Variants in DYNLT2B observed in about 807,000 individuals in gnomAD.
The protein encoded by DYNLT2B is dynein light chain Tctex-type 2B, also known as dynein light chain Tctex-type protein 2B.
A neutral mutation model predicts 19.5 loss-of-function variants in DYNLT2B; 14 were observed. That is an observed-to-expected ratio of 0.72 (90% CI 0.47 to 1.12). DYNLT2B has a LOEUF of 1.12. Ranked by LOEUF, DYNLT2B falls within the 50% of genes most tolerant of loss-of-function variation. DYNLT2B has a pLI of 0.00. For synonymous variants in DYNLT2B, 70 were observed against 59.7 expected, an observed-to-expected ratio of 1.17 and a Z score of -0.79; for missense variants, 133 against 174.7, an observed-to-expected ratio of 0.76 and a Z score of 1.35.
chr3:196,297,250 C>A (rs889938272), intron 3 of DYNLT2B, among the ~76,000 whole-genome samples: 3 of 151,894 alleles, frequency 2.0e-5, no homozygotes, highest in African/African-American at 7.3e-5. Flanking sequence ...ATAGGCTGGG[C>A]ATGGTGGCTC....
chr3:196,302,805 G>A (rs1477507630), intron 3 of DYNLT2B, among the ~76,000 whole-genome samples: 1 of 151,962 alleles, frequency 6.6e-6, no homozygotes, highest in Non-Finnish European at 1.5e-5. Context: ...CAACCTAACC[G>A]ACTCCATCTT....
At chr3:196,306,545 G>C (rs929217535) in intron 3 of DYNLT2B, among the ~76,000 whole-genome samples, 10 of 151,870 alleles carry the variant, frequency 6.6e-5, no homozygotes, top group African/African-American at 2.4e-4. Flanking sequence ...AGATAATAAA[G>C]ATATTTTATT....
intron 4 of DYNLT2B, among the ~76,000 whole-genome samples, chr3:196,294,402 T>C (rs907973629): frequency 2.0e-5 from 3 of 152,186 alleles, no homozygotes; most frequent in African/African-American, 7.2e-5. Flanking sequence ...ATTTTAGAGC[T>C]AAAAGCTACC....
chr3:196,316,504 C>T (rs938970913), intron 1 of DYNLT2B, among the ~76,000 whole-genome samples: 1 of 151,978 alleles, frequency 6.6e-6, no homozygotes, highest in African/African-American at 2.4e-5. Flanking sequence ...TTCTCATACT[C>T]CCCTCTCCCC....
In DYNLT2B at chr3:196,318,154, C is replaced by T; in HGVS notation, c.-2G>A. 2 of 1,511,670 alleles carry T rather than the reference C, an allele frequency of 1.3e-6. No individual in the cohort carries two copies. Among genetic ancestry groups the T allele is most frequent in the South Asian group, 1.2e-5 (1 of 81,264 alleles). 93.6% of individuals were successfully genotyped at this position (1,511,670 alleles called of 1,614,324 possible). On this transcript the variant is annotated 5_prime_UTR_variant, in exon 1 of 5. Coordinates refer to ENST00000325318, the MANE Select transcript of DYNLT2B (RefSeq NM_152773.5). ...GGACACTCCGATGGACGTGGCCATG[C>T]CGGGGCTTCTCGGTCCGGGCGTAGC...
At chr3:196,299,095 T>C (rs933067260) in intron 3 of DYNLT2B, among the ~76,000 whole-genome samples, 1 of 150,760 alleles carries the variant, frequency 6.6e-6, no homozygotes, top group Non-Finnish European at 1.5e-5. Context: ...TTTTTCTTTT[T>C]TTTTTTTGAG....
intron 3 of DYNLT2B, among the ~76,000 whole-genome samples, chr3:196,297,520 G>A (rs1726252922): frequency 1.3e-5 from 2 of 150,146 alleles, no homozygotes; most frequent in Admixed American, 6.8e-5. Context: ...GTGAGACTCT[G>A]TCTCAAAAAC....
At chr3:196,317,740 T>G (rs1170981023) in intron 1 of DYNLT2B, among the ~76,000 whole-genome samples, 8 of 152,106 alleles carry the variant, frequency 5.3e-5, no homozygotes, top group Non-Finnish European at 1.2e-4. Context: ...ATTCTACCCA[T>G]CTCCTTACTC....
Position 196,305,270 on chromosome 3 carries a change from G to A in DYNLT2B, c.317+1673C>T, listed in dbSNP as rs547325124. Among the ~76,000 whole-genome samples the A allele has an allele frequency of 8.5e-5, 13 of 152,218 alleles. 1 individual carries two copies. Among genetic ancestry groups the A allele is most frequent in the African/African-American group, 2.6e-4 (11 of 41,534 alleles). ...TTAACAAAGCAAAAAGAGATGACCA[G>A]CTATTTTGTACCTTCTGAGAAGATG... On this transcript the variant is annotated intron_variant, in intron 3 of 4. Coordinates refer to ENST00000325318, the MANE Select transcript of DYNLT2B (RefSeq NM_152773.5).
intron 4 of DYNLT2B, among the ~76,000 whole-genome samples, chr3:196,294,764 C>T (rs2108790003): frequency 6.6e-6 from 1 of 152,182 alleles, no homozygotes; most frequent in East Asian, 1.9e-4. Context: ...GAGACAGAGT[C>T]TTGCTCTGCT....
chr3:196,295,376 G>T (rs1040778003), intron 4 of DYNLT2B, among the ~76,000 whole-genome samples: 1 of 151,928 alleles, frequency 6.6e-6, no homozygotes, highest in Non-Finnish European at 1.5e-5. Context: ...GGCCAGGCTG[G>T]TCTTGAACTC....
chr3:196,308,808 A>G (rs1253298803), intron 2 of DYNLT2B, among the ~76,000 whole-genome samples: 1 of 152,198 alleles, frequency 6.6e-6, no homozygotes, highest in African/African-American at 2.4e-5. Context: ...CCTTTCTCTA[A>G]CCAATCCCAA....
intron 2 of DYNLT2B, among the ~76,000 whole-genome samples, chr3:196,313,895 C>T (rs1045571717): frequency 2.0e-5 from 3 of 151,756 alleles, no homozygotes; most frequent in Non-Finnish European, 4.4e-5. Context: ...GTCAGGAGTT[C>T]GAGATCAGCC....
At chr3:196,309,819 C>A (rs1466870419) in intron 2 of DYNLT2B, among the ~76,000 whole-genome samples, 1 of 151,394 alleles carries the variant, frequency 6.6e-6, no homozygotes, top group Non-Finnish European at 1.5e-5. Flanking sequence ...CGTGGTGGTG[C>A]ACGCCTGTAA....
chr3:196,303,511 T>C (rs895148125), intron 3 of DYNLT2B, among the ~76,000 whole-genome samples: 4 of 152,192 alleles, frequency 2.6e-5, no homozygotes, highest in African/African-American at 9.7e-5. Context: ...GTTGACAGTA[T>C]GTACCATTGA....
intron 1 of DYNLT2B, among the ~76,000 whole-genome samples, chr3:196,317,644 GGAGT>G (rs1454859749): frequency 6.6e-6 from 1 of 152,146 alleles, no homozygotes; most frequent in East Asian, 1.9e-4. Flanking sequence ...TCCCGCGCCG[GGAGT>G]GAGCCCATCC....
rs545309033 is a variant in DYNLT2B at position 196,296,172 on chromosome 3, T to C, written c.318-103A>G. On this transcript the variant is annotated intron_variant, in intron 3 of 4. Coordinates refer to ENST00000325318, the MANE Select transcript of DYNLT2B (RefSeq NM_152773.5). ...GTTCCTTAATACATTCTCATAGATC[T>C]GTACTTCCAAACCTTTCACAGGTAG... 47 of 996,736 alleles carry C rather than the reference T, an allele frequency of 4.7e-5. No individual in the cohort carries two copies. The East Asian group carries it at 1.1e-3, about 23-fold the overall frequency. The allele number at this position is 996,736 out of a possible 1,614,324, so 61.7% of individuals were successfully genotyped here.
chr3:196,313,927 G>A (rs1055853644), intron 2 of DYNLT2B, among the ~76,000 whole-genome samples: 2 of 151,886 alleles, frequency 1.3e-5, no homozygotes, highest in Admixed American at 6.6e-5. Context: ...GAGAAACCCC[G>A]TCTCTACTAA....
chr3:196,313,805 A>G (rs2108797512), intron 2 of DYNLT2B, among the ~76,000 whole-genome samples: 1 of 152,242 alleles, frequency 6.6e-6, no homozygotes, highest in East Asian at 1.9e-4. Flanking sequence ...TAATATTTTA[A>G]AACTTTAAGG....
Sources: allele counts gnomAD v4.1 joint callset (sites outside exome capture counted in the v4.1 genomes callset), GRCh38; gene constraint gnomAD v4.1.1; transcripts MANE v1.5; gene names NCBI Gene and HGNC (gene_info 2026-07-23, HGNC 2026-07-21).